The following FAM210A variants were observed in gnomAD, a reference collection of about 807,000 sequenced individuals.
FAM210A encodes the protein mitochondrial inner membrane scaffold 1.
In FAM210A, 13 loss-of-function variants were observed where a neutral mutation model predicts 25.3. The observed-to-expected ratio is 0.51, with a 90% confidence interval of 0.33 to 0.82. The LOEUF (loss-of-function observed/expected upper bound fraction) is 0.82, where lower values mean the gene tolerates loss of function less well. Among genes scored for constraint, FAM210A ranks in the 40% least tolerant of loss-of-function variants. The probability of loss-of-function intolerance (pLI) is 0.02; values close to 1 mark genes in which losing one functional copy is unlikely to be tolerated. For synonymous variants in FAM210A, 125 were observed against 118.7 expected (o/e 1.05, Z -0.35); for missense variants, 319 against 323.2 (o/e 0.99, Z 0.10).
At chr18:13,713,693 G>A (rs563258350) in intron 1 of FAM210A, among the ~76,000 whole-genome samples, 1 of 145,854 alleles carries the variant, frequency 6.9e-6, no homozygotes, top group Non-Finnish European at 1.5e-5. Flanking sequence ...CACTGCTTCC[G>A]TGATTAGTAG....
chr18:13,712,274 C>T (rs976240771), intron 1 of FAM210A, among the ~76,000 whole-genome samples: 2 of 152,182 alleles, frequency 1.3e-5, no homozygotes, highest in African/African-American at 4.8e-5. Flanking sequence ...ATAGACCTAA[C>T]TATCATGCTG....
At chr18:13,688,435 G>A (rs1020187107) in intron 1 of FAM210A, among the ~76,000 whole-genome samples, 1 of 146,624 alleles carries the variant, frequency 6.8e-6, no homozygotes, top group African/African-American at 2.5e-5. Flanking sequence ...TGACTTCAGA[G>A]ACGATGGCTG....
At chr18:13,721,408 T>G (rs1277539779) in intron 1 of FAM210A, among the ~76,000 whole-genome samples, 3 of 152,212 alleles carry the variant, frequency 2.0e-5, no homozygotes, top group Admixed American at 6.5e-5. Flanking sequence ...ACTGTCATTT[T>G]CCAAGATCAA....
At chr18:13,667,696 C>T (rs999678184) in intron 3 of FAM210A, among the ~76,000 whole-genome samples, 2 of 151,590 alleles carry the variant, frequency 1.3e-5, no homozygotes, top group Non-Finnish European at 2.9e-5. Flanking sequence ...CCAGCCTGGG[C>T]GACAAGAGTG....
At chr18:13,689,557 TG>T (rs1444626513) in intron 1 of FAM210A, among the ~76,000 whole-genome samples, 5 of 152,138 alleles carry the variant, frequency 3.3e-5, no homozygotes, top group Non-Finnish European at 5.9e-5. Context: ...TACTTAATGG[TG>T]GGAGGCTGGA....
chr18:13,683,854 CCATCTTA>C (rs1451456601), intron 1 of FAM210A, among the ~76,000 whole-genome samples: 1 of 152,160 alleles, frequency 6.6e-6, no homozygotes, highest in Non-Finnish European at 1.5e-5. Context: ...TACAGATACT[CCATCTTA>C]CACGAATATT....
intron 1 of FAM210A, among the ~76,000 whole-genome samples, chr18:13,702,465 A>C (rs1217483783): frequency 6.6e-6 from 1 of 152,204 alleles, no homozygotes; most frequent in East Asian, 1.9e-4. Context: ...GGTCCCTCAC[A>C]CAAACAAAAA....
At chr18:13,670,393 C>T (rs1275601180) in intron 3 of FAM210A, among the ~76,000 whole-genome samples, 1 of 151,944 alleles carries the variant, frequency 6.6e-6, no homozygotes, top group Admixed American at 6.6e-5. Context: ...AAATGTTAGC[C>T]CTCTCATCAA....
intron 2 of FAM210A, among the ~76,000 whole-genome samples, chr18:13,672,514 T>C (rs1382343115): frequency 2.0e-5 from 3 of 152,172 alleles, no homozygotes; most frequent in African/African-American, 7.2e-5. Context: ...GTTCAAGCGA[T>C]TCTCCTGCCT....
At chr18:13,725,326 T>C (rs950755153) in intron 1 of FAM210A, among the ~76,000 whole-genome samples, 24 of 152,222 alleles carry the variant, frequency 1.6e-4, no homozygotes, top group African/African-American at 5.1e-4. Flanking sequence ...CATCAGAAAT[T>C]GATGGGTCAT....
intron 1 of FAM210A, among the ~76,000 whole-genome samples, chr18:13,688,855 G>C (rs553039405): frequency 1.4e-4 from 22 of 152,370 alleles, no homozygotes; most frequent in Admixed American, 3.3e-4. Flanking sequence ...AAAGCAGCCG[G>C]TTCCTGCACT....
At chr18:13,678,509 C>T (rs934111360) in intron 2 of FAM210A, among the ~76,000 whole-genome samples, 4 of 152,124 alleles carry the variant, frequency 2.6e-5, no homozygotes, top group Admixed American at 6.5e-5. Flanking sequence ...AGGCTGGTCT[C>T]GAACTCCTGA....
At chr18:13,681,460 T>C (rs1023397899) in intron 2 of FAM210A, 145 bp downstream of exon 2, 3 of 692,454 alleles carry the variant, frequency 4.3e-6, no homozygotes, top group South Asian at 2.2e-5. Flanking sequence ...ATGTTAGCTA[T>C]TATTATTAAA....
At chr18:13,692,931 C>A (rs569716274) in intron 1 of FAM210A, among the ~76,000 whole-genome samples, 1 of 152,186 alleles carries the variant, frequency 6.6e-6, no homozygotes, top group East Asian at 1.9e-4. Flanking sequence ...ACACAAAAAA[C>A]CCTTCAAAAA....
At chr18:13,717,741 G>A (rs2043872104) in intron 1 of FAM210A, among the ~76,000 whole-genome samples, 1 of 152,074 alleles carries the variant, frequency 6.6e-6, no homozygotes, top group African/African-American at 2.4e-5. Flanking sequence ...AAACTGCAAG[G>A]GCCCAATGCA....
At position 13,671,775 on chromosome 18, in the gene FAM210A, T is replaced by C. The variant is rs1019494542; in HGVS notation, c.585+87A>G. On this transcript the variant is annotated intron_variant, in intron 3 of 3. Transcript: ENST00000651643. ...CAGCGTTTCAAGTTACGAAATACAA[T>C]TGGAAGCTAACATGGAATCTCATGG... The C allele has an allele frequency of 5.8e-5, 44 of 757,678 alleles. No homozygotes were observed. The African/African-American group carries it at 5.9e-4, about 10-fold the overall frequency. The allele number at this position is 757,678 out of a possible 1,614,324, so 46.9% of individuals were successfully genotyped here.
rs1437847520 is a variant in FAM210A, at chr18:13,681,768, C to G, written c.310G>C (p.Gly104Arg). The G allele has an allele frequency of 1.2e-6, 2 of 1,614,048 alleles. No homozygotes were observed. Among genetic ancestry groups the G allele is most frequent in the South Asian group, 2.2e-5 (2 of 91,068 alleles). Residue 104 changes from glycine (G) to arginine (R), a missense_variant, in exon 2 of 4, where the codon GGA becomes CGA. Coordinates refer to ENST00000651643, the MANE Select transcript of FAM210A (RefSeq NM_152352.4). Reference sequence around the variant, plus strand: ...GGCTCTTCCTTTTTTTCCGGAGTTCCCTGAGCTGTGGCACTGGATGAAAAA... The same window carrying G: ...GGCTCTTCCTTTTTTTCCGGAGTTCGCTGAGCTGTGGCACTGGATGAAAAA... ...RVFSSSATAQ[G>R]TPEKKEEPDP...
chr18:13,691,707 G>C (rs180690452), intron 1 of FAM210A, among the ~76,000 whole-genome samples: 50,155 of 147,570 alleles, frequency 0.34, 10,442 homozygotes, highest in East Asian at 0.83. Context: ...AATGCTGAGA[G>C]ATTTTGTCAC....
At chr18:13,721,163 T>C (rs2149072108) in intron 1 of FAM210A, among the ~76,000 whole-genome samples, 1 of 152,300 alleles carries the variant, frequency 6.6e-6, no homozygotes, top group Non-Finnish European at 1.5e-5. Flanking sequence ...GATCTTGTTA[T>C]GACATAGTGT....
Sources: gnomAD v4.1 joint callset for allele counts (sites outside exome capture counted in the v4.1 genomes callset) on GRCh38, gnomAD v4.1.1 for gene constraint, MANE v1.5 for transcripts, NCBI Gene and HGNC (gene_info 2026-07-23, HGNC 2026-07-21) for gene names.